The following GRID2 variants were observed in gnomAD, a reference collection of about 807,000 sequenced individuals.
GRID2 encodes glutamate ionotropic receptor delta type subunit 2, also known as glutamate receptor ionotropic, delta-2.
GRID2 carries 33 observed loss-of-function variants against 114.8 expected under a neutral mutation model. That is an observed-to-expected ratio of 0.29 (90% CI 0.22 to 0.38). GRID2 has a LOEUF of 0.38. Ranked by LOEUF, GRID2 falls within the 10% of genes least tolerant of loss-of-function variation. The pLI, the probability that GRID2 is intolerant of heterozygous loss-of-function variation, is 1.00. For missense variants in GRID2, 1,184 were observed against 1,257.7 expected (o/e 0.94, Z 0.89); for synonymous variants, 505 against 449.9 (o/e 1.12, Z -1.55).
chr4:92,453,483 T>G (rs895226476), intron 1 of GRID2, among the ~76,000 whole-genome samples: 1 of 152,208 alleles, frequency 6.6e-6, no homozygotes, highest in Admixed American at 6.5e-5. Context: ...TATGCATACA[T>G]AAGTATCAAA....
intron 1 of GRID2, among the ~76,000 whole-genome samples, chr4:92,571,885 T>C (rs1282420984): frequency 6.6e-6 from 1 of 152,154 alleles, no homozygotes; most frequent in Non-Finnish European, 1.5e-5. Flanking sequence ...TTCAAGGCAG[T>C]GTGTGGAAGG....
chr4:93,330,104 A>G (rs1758271770), intron 8 of GRID2, among the ~76,000 whole-genome samples: 2 of 152,150 alleles, frequency 1.3e-5, no homozygotes, highest in South Asian at 2.1e-4. Context: ...TTAGACCCAG[A>G]TAATACTAAT....
chr4:92,437,245 A>C (rs1049200295), intron 1 of GRID2, among the ~76,000 whole-genome samples: 5 of 152,202 alleles, frequency 3.3e-5, no homozygotes, highest in African/African-American at 1.2e-4. Flanking sequence ...TGATTGGAAA[A>C]AAAATGATTC....
intron 8 of GRID2, among the ~76,000 whole-genome samples, chr4:93,386,748 G>A (rs560675503): frequency 5.9e-5 from 9 of 152,034 alleles, no homozygotes; most frequent in Non-Finnish European, 1.3e-4. Context: ...AGAAGCAAGG[G>A]GAAGATCTAG....
intron 8 of GRID2, among the ~76,000 whole-genome samples, chr4:93,332,976 A>G (rs1347469839): frequency 4.6e-5 from 7 of 152,182 alleles, no homozygotes; most frequent in Admixed American, 3.9e-4. Flanking sequence ...ACTGGCTTTG[A>G]TAAAACATGC....
At chr4:92,945,549 A>C (rs563227600) in intron 2 of GRID2, among the ~76,000 whole-genome samples, 2 of 152,274 alleles carry the variant, frequency 1.3e-5, no homozygotes, top group African/African-American at 4.8e-5. Context: ...TGATTCTTAC[A>C]ATTGTGATAA....
At chr4:92,530,360 A>G (rs1022696312) in intron 1 of GRID2, among the ~76,000 whole-genome samples, 1 of 151,984 alleles carries the variant, frequency 6.6e-6, no homozygotes, top group Admixed American at 6.6e-5. Context: ...ATGCAATAGG[A>G]AAAGGACAGT....
chr4:93,514,216 G>A (rs193188244), intron 12 of GRID2, among the ~76,000 whole-genome samples: 2 of 152,150 alleles, frequency 1.3e-5, no homozygotes, highest in East Asian at 3.9e-4. Flanking sequence ...TCTTTAAGCT[G>A]CAAAATATAG....
intron 11 of GRID2, among the ~76,000 whole-genome samples, chr4:93,489,322 A>G (rs1726741771): frequency 6.6e-6 from 1 of 152,002 alleles, no homozygotes; most frequent in Non-Finnish European, 1.5e-5. Context: ...GCCCTGGGAC[A>G]TATATCGGCA....
At chr4:93,213,036 G>T (rs1743740518) in intron 5 of GRID2, among the ~76,000 whole-genome samples, 1 of 152,152 alleles carries the variant, frequency 6.6e-6, no homozygotes, top group Non-Finnish European at 1.5e-5. Context: ...GCCTCCCAAA[G>T]TGTTGGGTTT....
intron 14 of GRID2, among the ~76,000 whole-genome samples, chr4:93,741,924 CAAAAAAAA>C (rs34316739): frequency 7.5e-5 from 8 of 106,462 alleles, no homozygotes; most frequent in Non-Finnish European, 1.4e-4. Context: ...GACTCTGTCT[CAAAAAAAA>C]AAAAAAAAAA....
chr4:93,078,114 C>T lies in GRID2; in HGVS notation c.245-6881C>T, dbSNP rs572472832. Among the ~76,000 whole-genome samples the T allele has an allele frequency of 2.6e-5, 4 of 152,282 alleles. No homozygotes were observed. In the South Asian group the frequency reaches 8.3e-4, roughly 32 times the overall value. ...TCTTTGCACTCCAGCCACTTGGCTC[C>T]TCTTTCTGCCTTTCTGGTATTTCAT... On this transcript the variant is annotated intron_variant, in intron 2 of 15. Coordinates refer to ENST00000282020, the MANE Select transcript of GRID2 (RefSeq NM_001510.4).
chr4:92,635,263 G>T (rs1731012714), intron 2 of GRID2, among the ~76,000 whole-genome samples: 1 of 152,130 alleles, frequency 6.6e-6, no homozygotes, highest in East Asian at 1.9e-4. Context: ...TTTTTAAATT[G>T]TGATGGCTAA....
At chr4:93,292,563 A>G (rs1366696324) in intron 8 of GRID2, among the ~76,000 whole-genome samples, 1 of 152,184 alleles carries the variant, frequency 6.6e-6, no homozygotes. Flanking sequence ...AACTCATATA[A>G]ATTTGTGCCA....
rs143521299 is a variant in GRID2 at position 92,628,286 on chromosome 4, T to C, written c.244+38000T>C. Among the ~76,000 whole-genome samples, 730 of 152,186 alleles carry C rather than the reference T, an allele frequency of 4.8e-3. 8 individuals are homozygous for C. The highest frequency in any genetic ancestry group is 0.015 in the African/African-American group (634 of 41,534). On this transcript the variant is annotated intron_variant, in intron 2 of 15. Coordinates refer to ENST00000282020, the MANE Select transcript of GRID2 (RefSeq NM_001510.4). ...GAGAGCATTCTCCTCTTATGTGGCA[T>C]GGGAGAGGGAAAAAGATGACAGCAG...
At chr4:93,381,472 T>C (rs1377573959) in intron 8 of GRID2, among the ~76,000 whole-genome samples, 1 of 152,170 alleles carries the variant, frequency 6.6e-6, no homozygotes, top group African/African-American at 2.4e-5. Context: ...ATATGGCTTA[T>C]AGCATTTTTG....
chr4:93,288,761 C>T (rs1229154955), intron 8 of GRID2, among the ~76,000 whole-genome samples: 4 of 152,020 alleles, frequency 2.6e-5, no homozygotes, highest in Non-Finnish European at 2.9e-5. Context: ...TTAAAGATAC[C>T]TTTTCCATTG....
At chr4:92,467,762 C>T (rs1415599820) in intron 1 of GRID2, among the ~76,000 whole-genome samples, 1 of 151,890 alleles carries the variant, frequency 6.6e-6, no homozygotes, top group Non-Finnish European at 1.5e-5. Flanking sequence ...AAAAATAATG[C>T]AGTGATCAAT....
chr4:93,183,732 A>G (rs1740127068), intron 4 of GRID2, among the ~76,000 whole-genome samples: 1 of 152,246 alleles, frequency 6.6e-6, no homozygotes, highest in Admixed American at 6.5e-5. Flanking sequence ...GGCACTGAAT[A>G]GAGCAGGAGA....
Sources: gnomAD v4.1 joint callset for allele counts (sites outside exome capture counted in the v4.1 genomes callset) on GRCh38, gnomAD v4.1.1 for gene constraint, MANE v1.5 for transcripts, NCBI Gene and HGNC (gene_info 2026-07-23, HGNC 2026-07-21) for gene names.